The following FBXO34 variants were observed in gnomAD, a reference collection of about 807,000 sequenced individuals.
FBXO34 encodes F-box protein 34, also known as F-box only protein 34.
FBXO34 carries 12 observed loss-of-function variants against 24.5 expected under a neutral mutation model. The observed-to-expected ratio is 0.49, with a 90% CI of 0.31 to 0.79. The LOEUF is 0.79. Ranked by LOEUF, FBXO34 falls within the 30% of genes least tolerant of loss-of-function variation. The pLI, the probability that FBXO34 is intolerant of heterozygous loss-of-function variation, is 0.04. For missense variants in FBXO34, 823 were observed against 857.7 expected, an observed-to-expected ratio of 0.96 and a Z score of 0.51; for synonymous variants, 320 against 311.9, an observed-to-expected ratio of 1.03 and a Z score of -0.27.
intron 1 of FBXO34, among the ~76,000 whole-genome samples, chr14:55,293,043 C>G (rs892987091): frequency 2.0e-5 from 3 of 152,044 alleles, no homozygotes; most frequent in Non-Finnish European, 2.9e-5. Flanking sequence ...CCACCACACC[C>G]GGCTAATTTT....
At chr14:55,323,530 G>A (rs559310467) in intron 1 of FBXO34, among the ~76,000 whole-genome samples, 60 of 151,664 alleles carry the variant, frequency 4.0e-4, no homozygotes, top group African/African-American at 1.1e-3. Context: ...TTACAGGCAC[G>A]TGCCACCACG....
chr14:55,336,866 A>G (rs1883795924), intron 1 of FBXO34, among the ~76,000 whole-genome samples: 1 of 146,398 alleles, frequency 6.8e-6, no homozygotes. Context: ...ATATACATGC[A>G]CGCACACACA....
the FBXO34 span, among the ~76,000 whole-genome samples, chr14:55,399,796 A>G: frequency 1.3e-5 from 2 of 152,248 alleles, no homozygotes; most frequent in African/African-American, 4.8e-5. Context: ...CAGAGGCCAT[A>G]AAAGTTCTCC....
At chr14:55,317,663 C>T (rs1419525601) in intron 1 of FBXO34, among the ~76,000 whole-genome samples, 2 of 152,138 alleles carry the variant, frequency 1.3e-5, no homozygotes, top group Non-Finnish European at 2.9e-5. Context: ...CATTTAGTAG[C>T]TTGAAGCTGC....
At chr14:55,409,373 A>G in the FBXO34 span, among the ~76,000 whole-genome samples, 1 of 152,246 alleles carries the variant, frequency 6.6e-6, no homozygotes. Context: ...AGTGTATAAA[A>G]GAGAAAAACT....
chr14:55,329,552 T>G (rs975444257), intron 1 of FBXO34, among the ~76,000 whole-genome samples: 17 of 152,242 alleles, frequency 1.1e-4, no homozygotes, highest in African/African-American at 4.1e-4. Context: ...ACTCCTTTTC[T>G]AAAGGTTTAA....
intron 1 of FBXO34, among the ~76,000 whole-genome samples, chr14:55,310,543 A>G (rs1410604072): frequency 1.3e-5 from 2 of 152,190 alleles, no homozygotes; most frequent in African/African-American, 4.8e-5. Flanking sequence ...AATGTAGACT[A>G]TGCCTTCAGG....
the FBXO34 span, chr14:55,428,787 A>G: frequency 8.8e-6 from 14 of 1,599,710 alleles, no homozygotes; most frequent in African/African-American, 1.9e-4. Context: ...TTCAAAGTTC[A>G]AGCTATATAA....
At chr14:55,380,605 A>G in the FBXO34 span, 3 of 1,612,562 alleles carry the variant, frequency 1.9e-6, no homozygotes, top group Non-Finnish European at 1.7e-6. Context: ...GATTTACATC[A>G]AGTATATGAG....
intron 1 of FBXO34, among the ~76,000 whole-genome samples, chr14:55,331,755 A>ATGTGTG (rs1883576590): frequency 3.3e-5 from 2 of 60,356 alleles, no homozygotes; most frequent in African/African-American, 4.5e-4. Context: ...GTATATATAT[A>ATGTGTG]TATATGTATA....
chr14:55,365,379 C>G (rs1054361366), downstream of FBXO34, among the ~76,000 whole-genome samples: 1 of 152,064 alleles, frequency 6.6e-6, no homozygotes, highest in African/African-American at 2.4e-5. Flanking sequence ...AAAAAATTCA[C>G]TTCAACTATC....
Position 55,352,563 on chromosome 14 carries a change from A to C in FBXO34, c.*37A>C. 6.5e-7 allele frequency: 1 copy of C among 1,533,846 alleles called. No individual in the cohort carries two copies. Among genetic ancestry groups the C allele is most frequent in the Non-Finnish European group, 8.8e-7 (1 of 1,137,224 alleles). On this transcript the variant is annotated 3_prime_UTR_variant, in exon 2 of 2. Transcript: ENST00000313833. ...GAGGCAACAAAAGGACCGGTTTCTA[A>C]AGCTGCAAAACACCTAGATACACCG... is the stretch of plus-strand genomic sequence containing the variant.
At chr14:55,404,519 A>G in the FBXO34 span, among the ~76,000 whole-genome samples, 2 of 152,114 alleles carry the variant, frequency 1.3e-5, no homozygotes, top group Non-Finnish European at 2.9e-5. Flanking sequence ...ATCACATTTT[A>G]TTTTCCATGA....
At chr14:55,442,420 A>G in the FBXO34 span, among the ~76,000 whole-genome samples, 1 of 151,994 alleles carries the variant, frequency 6.6e-6, no homozygotes, top group Non-Finnish European at 1.5e-5. Context: ...AGAGGCAGAC[A>G]TAAAATACAT....
chr14:55,425,361 T>TG, the FBXO34 span, among the ~76,000 whole-genome samples: 1 of 152,160 alleles, frequency 6.6e-6, no homozygotes, highest in Non-Finnish European at 1.5e-5. Flanking sequence ...AAATGAAGGC[T>TG]GGAGACACAA....
chr14:55,429,007 T>TA, the FBXO34 span: 1 of 1,610,548 alleles, frequency 6.2e-7, no homozygotes, highest in South Asian at 1.1e-5. Context: ...AAAGATGTCT[T>TA]AATCGCTACA....
At chr14:55,312,077 G>A (rs1252794038) in intron 1 of FBXO34, among the ~76,000 whole-genome samples, 1 of 150,744 alleles carries the variant, frequency 6.6e-6, no homozygotes, top group Non-Finnish European at 1.5e-5. Flanking sequence ...GCATGCGCTT[G>A]TAATCCCAGC....
At chr14:55,293,611 T>A (rs187393414) in intron 1 of FBXO34, among the ~76,000 whole-genome samples, 1 of 152,284 alleles carries the variant, frequency 6.6e-6, no homozygotes, top group Admixed American at 6.5e-5. Flanking sequence ...TTTTTTTTTT[T>A]TTAAATCAAT....
the FBXO34 span, among the ~76,000 whole-genome samples, chr14:55,429,184 T>G: frequency 6.6e-6 from 1 of 152,236 alleles, no homozygotes; most frequent in Non-Finnish European, 1.5e-5. Context: ...TTGAACAGAA[T>G]CATAAATTTT....
Sources: gnomAD v4.1 joint callset for allele counts (sites outside exome capture counted in the v4.1 genomes callset) on GRCh38, gnomAD v4.1.1 for gene constraint, MANE v1.5 for transcripts, NCBI Gene and HGNC (gene_info 2026-07-23, HGNC 2026-07-21) for gene names.